Variants in RAI2 observed in about 807,000 individuals in gnomAD.
RAI2 encodes the protein retinoic acid-induced protein 2.
A neutral mutation model predicts 15.3 loss-of-function variants in RAI2; 5 were observed. That is an observed-to-expected ratio of 0.33 (90% confidence interval 0.17 to 0.69). The LOEUF (loss-of-function observed/expected upper bound fraction) is 0.69, where lower values mean the gene tolerates loss of function less well. Ranked by LOEUF, RAI2 falls within the 30% of genes least tolerant of loss-of-function variation. The probability of loss-of-function intolerance (pLI) is 0.69; values close to 1 mark genes in which losing one functional copy is unlikely to be tolerated. For missense variants in RAI2, 424 were observed against 424.7 expected (o/e 1.00, Z 0.01); for synonymous variants, 191 against 184.0 (o/e 1.04, Z -0.31).
intron 1 of RAI2, among the ~76,000 whole-genome samples, chrX:17,823,963 G>GA (rs2067199094): frequency 8.9e-6 from 1 of 111,755 alleles, no homozygotes; most frequent in African/African-American, 3.3e-5. Flanking sequence ...GAGACAAAGA[G>GA]AAAACCCACC....
At chrX:17,830,629 C>T (rs917149344) in intron 1 of RAI2, among the ~76,000 whole-genome samples, 4 of 110,573 alleles carry the variant, frequency 3.6e-5, no homozygotes, top group Non-Finnish European at 7.6e-5. Flanking sequence ...GAACAAGCTA[C>T]AAAGGAAGGC....
chrX:17,819,524 G>C (rs2067142224), intron 1 of RAI2, among the ~76,000 whole-genome samples: 1 of 112,290 alleles, frequency 8.9e-6, no homozygotes, highest in African/African-American at 3.2e-5. Context: ...ATTCATAAAA[G>C]ACTTGTACTC....
At chrX:17,850,836 A>G (rs1278036139) in intron 1 of RAI2, among the ~76,000 whole-genome samples, 1 of 113,057 alleles carries the variant, frequency 8.8e-6, no homozygotes. Context: ...GTCGTAAGAG[A>G]AAGTTTCACA....
chrX:17,856,198 G>A (rs2067600990), intron 1 of RAI2, among the ~76,000 whole-genome samples: 1 of 112,294 alleles, frequency 8.9e-6, no homozygotes, highest in South Asian at 3.7e-4. Context: ...AAGGAGCCCA[G>A]CCCTATGTCT....
intron 1 of RAI2, among the ~76,000 whole-genome samples, chrX:17,843,632 T>C (rs2067424817): frequency 8.9e-6 from 1 of 112,230 alleles, no homozygotes; most frequent in Non-Finnish European, 1.9e-5. Flanking sequence ...ACTAACAGGG[T>C]CTGTGAGGGG....
chrX:17,837,932 C>T (rs774017750), intron 1 of RAI2, among the ~76,000 whole-genome samples: 1 of 112,059 alleles, frequency 8.9e-6, no homozygotes, highest in East Asian at 2.8e-4. Context: ...CCCAGATGTC[C>T]GTCAGCAGGA....
At chrX:17,815,092 G>A (rs2147227433) in intron 1 of RAI2, among the ~76,000 whole-genome samples, 1 of 110,980 alleles carries the variant, frequency 9.0e-6, no homozygotes, top group East Asian at 2.8e-4. Flanking sequence ...CAGAATCTTA[G>A]GGTTGGTGAG....
At chrX:17,813,215 C>T (rs2067068315) in intron 1 of RAI2, among the ~76,000 whole-genome samples, 1 of 111,079 alleles carries the variant, frequency 9.0e-6, no homozygotes, top group African/African-American at 3.3e-5. Context: ...AATGTACCTT[C>T]TTTCTGTGTC....
chrX:17,831,386 AAAC>A (rs1315721581), intron 1 of RAI2, among the ~76,000 whole-genome samples: 1 of 112,139 alleles, frequency 8.9e-6, no homozygotes, highest in Non-Finnish European at 1.9e-5. Flanking sequence ...AAAAAACAAA[AAAC>A]AATAACTGGG....
In RAI2 at chrX:17,801,969, A is replaced by C; in HGVS notation, c.42T>G (p.Thr14=). Reference sequence around the variant, plus strand: ...TATTAGCCAAGGCAGGAGGGGAGTCAGTCATGTCCATGGAGAGGTTCTGGG... The same window carrying C: ...TATTAGCCAAGGCAGGAGGGGAGTCCGTCATGTCCATGGAGAGGTTCTGGG... ...LQSQNLSMDM[T]DSPPALANNR... Residue 14 remains threonine, a synonymous_variant, in exon 2 of 2, where the codon ACT becomes ACG. Coordinates refer to ENST00000451717, the MANE Select transcript of RAI2 (RefSeq NM_021785.6). 4.1e-6 allele frequency: 5 copies of C among 1,209,306 alleles called. No individual in the cohort carries two copies. The South Asian group carries it at 7.1e-5, about 17-fold the overall frequency.
At chrX:17,815,702 C>T (rs1328859470) in intron 1 of RAI2, among the ~76,000 whole-genome samples, 2 of 111,735 alleles carry the variant, frequency 1.8e-5, no homozygotes, top group Non-Finnish European at 3.8e-5. Context: ...GTGCTTCAAA[C>T]ATTAGAGGGG....
intron 1 of RAI2, among the ~76,000 whole-genome samples, chrX:17,825,987 G>A (rs189360471): frequency 1.7e-4 from 19 of 112,362 alleles, no homozygotes; most frequent in Admixed American, 5.6e-4. Context: ...GTTTGACACA[G>A]TGACTATTCC....
Position 17,801,936 on chromosome X carries a change from C to T in RAI2, c.75G>A (p.Leu25=). ...TGATCAGCTGAGCCATGCCATTCTC[C>T]AGTCTGTTATTAGCCAAGGCAGGAG... ...DSPPALANNR[L]ENGMAQLITT... Residue 25 remains leucine, a synonymous_variant, in exon 2 of 2, where the codon CTG becomes CTA. Coordinates refer to ENST00000451717, the MANE Select transcript of RAI2 (RefSeq NM_021785.6). The T allele has an allele frequency of 8.3e-7, 1 of 1,211,629 alleles. No individual in the cohort carries two copies. Among genetic ancestry groups the T allele is most frequent in the Non-Finnish European group, 1.1e-6 (1 of 895,446 alleles).
At chrX:17,818,679 T>C (rs1291025823) in intron 1 of RAI2, among the ~76,000 whole-genome samples, 2 of 112,827 alleles carry the variant, frequency 1.8e-5, no homozygotes. Context: ...GGAAAGCCCA[T>C]AGCTGGCACT....
chrX:17,842,438 G>A (rs1402025905), intron 1 of RAI2, among the ~76,000 whole-genome samples: 1 of 111,132 alleles, frequency 9.0e-6, no homozygotes, highest in Admixed American at 9.5e-5. Flanking sequence ...CACATGCTTG[G>A]GGGATATGAC....
chrX:17,839,378 T>C (rs73447851), intron 1 of RAI2, among the ~76,000 whole-genome samples: 4,060 of 112,241 alleles, frequency 0.036, 185 homozygotes, highest in African/African-American at 0.12. Context: ...ACCTTCCAGA[T>C]AATGCTGACT....
At chrX:17,858,478 T>C (rs2067646910) in intron 1 of RAI2, among the ~76,000 whole-genome samples, 1 of 112,325 alleles carries the variant, frequency 8.9e-6, no homozygotes, top group African/African-American at 3.2e-5. Flanking sequence ...TTTCTTATCA[T>C]AAATTTGGAG....
intron 1 of RAI2, among the ~76,000 whole-genome samples, chrX:17,808,013 G>A (rs971687837): frequency 4.5e-5 from 5 of 112,198 alleles, no homozygotes; most frequent in Non-Finnish European, 9.4e-5. Context: ...CCCAAGGGTC[G>A]CATGCGGCCC....
chrX:17,817,186 G>A (rs1211706534), intron 1 of RAI2, among the ~76,000 whole-genome samples: 3 of 111,216 alleles, frequency 2.7e-5, no homozygotes, highest in Admixed American at 9.5e-5. Context: ...GAGCTTCCTG[G>A]GACCCACCCT....
Sources: allele counts gnomAD v4.1 joint callset (sites outside exome capture counted in the v4.1 genomes callset), GRCh38; gene constraint gnomAD v4.1.1; transcripts MANE v1.5; gene names NCBI Gene and HGNC (gene_info 2026-07-23, HGNC 2026-07-21).